Variants in SOCS7 observed in about 807,000 individuals in gnomAD.
SOCS7 encodes suppressor of cytokine signaling 7, also known as NAP-4.
Under a neutral mutation model 58.9 loss-of-function variants are expected in SOCS7, and 18 were observed. The ratio of observed to expected loss-of-function variants is 0.31; its 90% CI spans 0.21 to 0.45. SOCS7 has a LOEUF of 0.45. Among genes scored for constraint, SOCS7 ranks in the 20% least tolerant of loss-of-function variants. The pLI is 1.00. For synonymous variants in SOCS7, 388 were observed against 364.3 expected (o/e 1.06, Z -0.74); for missense variants, 667 against 837.3 (o/e 0.80, Z 2.51).
chr17:38,356,711 G>A (rs934664437), intron 1 of SOCS7, among the ~76,000 whole-genome samples: 6 of 152,062 alleles, frequency 3.9e-5, no homozygotes, highest in African/African-American at 1.4e-4. Context: ...AAAGAAATGG[G>A]CCCAGCAACT....
chr17:38,402,870 TTA>T lies in SOCS7; in HGVS notation c.*3390_*3391del, dbSNP rs1351845992. The T allele has an allele frequency of 6.6e-6, 1 of 152,226 alleles. No individual in the cohort carries two copies. The highest frequency in any genetic ancestry group is 1.5e-5 in the Non-Finnish European group (1 of 68,038). The allele number at this position is 152,226 out of a possible 1,614,324, so 9.4% of individuals were successfully genotyped here. ...CAGTGCCTGCATAACCCTCACCTGT[TTA>T]TGACTGATCTACTGTAACCTTCCTC... On this transcript the variant is annotated 3_prime_UTR_variant, in exon 10 of 10. Coordinates refer to ENST00000612932, the MANE Select transcript of SOCS7 (RefSeq NM_014598.4).
intron 1 of SOCS7, among the ~76,000 whole-genome samples, chr17:38,357,636 G>T (rs1056644375): frequency 6.6e-6 from 1 of 152,198 alleles, no homozygotes; most frequent in Non-Finnish European, 1.5e-5. Context: ...CATGGTTTTT[G>T]TGCCTGTAGC....
Position 38,366,126 on chromosome 17 carries a change from G to A in SOCS7, c.1253-161G>A, listed in dbSNP as rs587726426. 5.3e-5 allele frequency: 67 copies of A among 1,264,156 alleles called. No individual in the cohort carries two copies. The East Asian group carries it at 1.7e-3, about 32-fold the overall frequency. 78.3% of individuals were successfully genotyped at this position (1,264,156 alleles called of 1,614,324 possible). On this transcript the variant is annotated intron_variant, in intron 4 of 9. Transcript: ENST00000612932. Reference sequence around the variant, plus strand: ...CAAGCCCACACAGCTTTTTGTTCCAGCCCATCCAGCTCTTTGCCACTGCTT... The same window carrying A: ...CAAGCCCACACAGCTTTTTGTTCCAACCCATCCAGCTCTTTGCCACTGCTT...
chr17:38,367,434 C>T (rs930920707), intron 5 of SOCS7, among the ~76,000 whole-genome samples: 5 of 151,956 alleles, frequency 3.3e-5, no homozygotes, highest in African/African-American at 7.3e-5. Flanking sequence ...AGTACAGTGG[C>T]GCAATACCAG....
rs1214732314 is a variant in SOCS7, at chr17:38,352,487, CCCGTGT to C, written c.444_449del (p.Cys149_Pro150del). On this transcript the variant is annotated inframe_deletion, in exon 1 of 10. Coordinates refer to ENST00000612932, the MANE Select transcript of SOCS7 (RefSeq NM_014598.4). The surrounding 1 kb of genome is among the most constrained non-coding windows in gnomAD (Gnocchi z 5.5). ...TCAAGACAGTCGGTGGGGGTTGCTGCCCGTGTCCGTGTCCTCCTCAGCCGCCCCCTC... is the reference window on the plus strand; with the variant it reads ...TCAAGACAGTCGGTGGGGGTTGCTGCCCGTGTCCTCCTCAGCCGCCCCCTC... The C allele has an allele frequency of 2.6e-6, 4 of 1,529,078 alleles. No homozygotes were observed. Among genetic ancestry groups the C allele is most frequent in the Non-Finnish European group, 3.5e-6 (4 of 1,137,112 alleles). 94.7% of individuals were successfully genotyped at this position (1,529,078 alleles called of 1,614,324 possible).
At chr17:38,389,904 T>TATATATATATATGTAC (rs2038144974) in intron 7 of SOCS7, among the ~76,000 whole-genome samples, 8 of 111,526 alleles carry the variant, frequency 7.2e-5, no homozygotes, top group Non-Finnish European at 1.0e-4. Flanking sequence ...TATATACACA[T>TATATATATATATGTAC]ATAGAGAGAG....
At position 38,352,329 on chromosome 17, in the gene SOCS7, C is replaced by A; in HGVS notation, c.277C>A (p.Pro93Thr). ...PEPGPSELLC[P>T]RHRCALDPKA... Reference sequence around the variant, plus strand: ...GCCGGGACCCTCGGAACTGCTGTGTCCCCGGCACCGCTGTGCCCTGGACCC... The same window carrying A: ...GCCGGGACCCTCGGAACTGCTGTGTACCCGGCACCGCTGTGCCCTGGACCC... Residue 93 changes from proline (P) to threonine (T), a missense_variant, in exon 1 of 10, where the codon CCC becomes ACC. Pro to Thr is a conservative substitution (Grantham distance 38). Transcript: ENST00000612932. The surrounding 1 kb of genome is among the most constrained non-coding windows in gnomAD (Gnocchi z 5.5). The A allele has an allele frequency of 2.0e-6, 3 of 1,485,444 alleles. No homozygotes were observed. The highest frequency in any genetic ancestry group is 2.8e-5 in the East Asian group (1 of 35,386). The allele number at this position is 1,485,444 out of a possible 1,614,324, so 92.0% of individuals were successfully genotyped here. A position where few individuals can be genotyped will look rare whatever the true frequency, so the allele number is the denominator to read the frequency against.
chr17:38,366,458 A>G (rs753313415), intron 5 of SOCS7, 41 bp downstream of exon 5: 1 of 1,609,306 alleles, frequency 6.2e-7, no homozygotes, highest in Admixed American at 1.7e-5. Flanking sequence ...TTCTCCTCCC[A>G]TTAGCTAAAT....
chr17:38,387,026 A>G (rs1170501503), intron 7 of SOCS7, among the ~76,000 whole-genome samples: 3 of 139,820 alleles, frequency 2.1e-5, no homozygotes, highest in Non-Finnish European at 3.0e-5. Context: ...CAGAGCTTGC[A>G]GTGAGCTATC....
chr17:38,352,922 CTCCGGCGGTGGG>C lies in SOCS7; in HGVS notation c.871_882del (p.Ser291_Gly294del). 6.2e-7 allele frequency: 1 copy of C among 1,607,104 alleles called. No individual in the cohort carries two copies. The stretch of plus-strand genomic sequence containing the variant: ...TTCGCACCAAGAGCTGCAACGGTGG[CTCCGGCGGTGGG>C]GATGGGACCGGCAAGAGGCCTTCTG... On this transcript the variant is annotated inframe_deletion, in exon 1 of 10. Coordinates refer to ENST00000612932, the MANE Select transcript of SOCS7 (RefSeq NM_014598.4). The surrounding 1 kb of genome is among the most constrained non-coding windows in gnomAD (Gnocchi z 5.5).
At position 38,387,113 on chromosome 17, in the gene SOCS7, A is replaced by ATATATATGTGTGTG. The variant is rs2038081796; in HGVS notation, c.1682-8189_1682-8188insGTGTGTGTATATAT. 2.2e-4 allele frequency among the ~76,000 whole-genome samples: 23 copies of ATATATATGTGTGTG among 103,466 alleles called. 1 individual carries two copies. In the East Asian group the frequency reaches 4.0e-3, roughly 18 times the overall value. 67.9% of individuals were successfully genotyped at this position (103,466 alleles called of 152,430 possible). ...AAAAAAAAAAAAAAAATATATATAT[A>ATATATATGTGTGTG]TATATATATATATATGTATGTATAT... On this transcript the variant is annotated intron_variant, in intron 7 of 9. Coordinates refer to ENST00000612932, the MANE Select transcript of SOCS7 (RefSeq NM_014598.4).
intron 1 of SOCS7, among the ~76,000 whole-genome samples, chr17:38,356,843 C>T (rs1265978286): frequency 6.6e-6 from 1 of 152,156 alleles, no homozygotes; most frequent in Non-Finnish European, 1.5e-5. Context: ...TTCAGGAAAA[C>T]CAGTGGAGTT....
intron 6 of SOCS7, among the ~76,000 whole-genome samples, chr17:38,369,152 T>C (rs2037829406): frequency 6.6e-6 from 1 of 152,178 alleles, no homozygotes; most frequent in Admixed American, 6.5e-5. Context: ...CATAGAGAAC[T>C]TTGGTGTGTT....
At chr17:38,358,904 G>A (rs1322795354) in intron 1 of SOCS7, among the ~76,000 whole-genome samples, 2 of 152,028 alleles carry the variant, frequency 1.3e-5, no homozygotes, top group Non-Finnish European at 1.5e-5. Context: ...TCAAAATGCC[G>A]GGGGTGGGGG....
chr17:38,398,923 T>G (rs2038280189), intron 9 of SOCS7, among the ~76,000 whole-genome samples: 1 of 151,920 alleles, frequency 6.6e-6, no homozygotes, highest in South Asian at 2.1e-4. Context: ...AAACCCTGTC[T>G]CTACTAAAAA....
chr17:38,356,149 C>G (rs2144310538), intron 1 of SOCS7, among the ~76,000 whole-genome samples: 1 of 152,142 alleles, frequency 6.6e-6, no homozygotes, highest in Middle Eastern at 3.4e-3. Context: ...CCTTGGCCTC[C>G]CAAAGTGCTG....
At chr17:38,360,724 A>G (rs982389390) in intron 1 of SOCS7, among the ~76,000 whole-genome samples, 3 of 151,874 alleles carry the variant, frequency 2.0e-5, no homozygotes, top group Non-Finnish European at 2.9e-5. Context: ...TATTTTTAGC[A>G]GAGACAGGGT....
At chr17:38,393,483 A>T (rs887334237) in intron 7 of SOCS7, among the ~76,000 whole-genome samples, 2 of 152,128 alleles carry the variant, frequency 1.3e-5, no homozygotes, top group Non-Finnish European at 1.5e-5. Context: ...CTAAAAATAC[A>T]AATATTAGCT....
chr17:38,379,862 A>G (rs970851137), intron 7 of SOCS7, among the ~76,000 whole-genome samples: 2 of 152,192 alleles, frequency 1.3e-5, no homozygotes, highest in Non-Finnish European at 2.9e-5. Context: ...TTATTTAACA[A>G]ACATTTATTT....
Sources: gnomAD v4.1 joint callset for allele counts (sites outside exome capture counted in the v4.1 genomes callset) on GRCh38, gnomAD v4.1.1 for gene constraint, Gnocchi (gnomAD v3.1) non-coding constraint, MANE v1.5 for transcripts, NCBI Gene and HGNC (gene_info 2026-07-23, HGNC 2026-07-21) for gene names.